UBE2F: variants seen among roughly 807,000 people sequenced by gnomAD.
The protein encoded by UBE2F is NEDD8-conjugating enzyme UBE2F.
A neutral mutation model predicts 29.6 loss-of-function variants in UBE2F; 5 were observed. The ratio of observed to expected loss-of-function variants is 0.17; its 90% CI spans 0.09 to 0.36. The LOEUF (loss-of-function observed/expected upper bound fraction) is 0.36. Among genes scored for constraint, UBE2F ranks in the 10% least tolerant of loss-of-function variants. UBE2F has a pLI of 1.00. For missense variants in UBE2F, 141 were observed against 228.5 expected, an observed-to-expected ratio of 0.62 and a Z score of 2.47; for synonymous variants, 66 against 81.8, an observed-to-expected ratio of 0.81 and a Z score of 1.04.
At chr2:237,991,209 G>A (rs1296561976) in intron 3 of UBE2F, among the ~76,000 whole-genome samples, 2 of 152,026 alleles carry the variant, frequency 1.3e-5, no homozygotes, top group African/African-American at 2.4e-5. Flanking sequence ...ATCGAAGAGG[G>A]GGAAATTATA....
intron 5 of UBE2F, among the ~76,000 whole-genome samples, chr2:238,023,798 A>T (rs2106394333): frequency 6.6e-6 from 1 of 152,220 alleles, no homozygotes; most frequent in Middle Eastern, 3.4e-3. Flanking sequence ...CCCTTACTGC[A>T]GGTTGTGGTG....
At chr2:238,016,237 G>A (rs1481984586) in intron 4 of UBE2F, among the ~76,000 whole-genome samples, 1 of 152,164 alleles carries the variant, frequency 6.6e-6, no homozygotes, top group Non-Finnish European at 1.5e-5. Context: ...AGATGTGTTC[G>A]GAGGGTTGTA....
intron 3 of UBE2F, among the ~76,000 whole-genome samples, chr2:237,989,226 A>G (rs1019760845): frequency 3.9e-5 from 6 of 152,288 alleles, no homozygotes; most frequent in African/African-American, 1.4e-4. Context: ...ATGTGGAGAT[A>G]TCTCTGACAT....
intron 8 of UBE2F, 52 bp from the exon 9 acceptor site, chr2:238,035,826 C>A: frequency 6.8e-7 from 1 of 1,466,898 alleles, no homozygotes; most frequent in Non-Finnish European, 9.5e-7. Context: ...AAGACTTTAA[C>A]AGCAGAAAAG....
intron 4 of UBE2F, among the ~76,000 whole-genome samples, chr2:238,005,538 G>A (rs2326003): frequency 0.86 from 130,424 of 151,922 alleles, 56,132 homozygotes; most frequent in East Asian, 0.97. Context: ...TAGGTTTTAT[G>A]GTTAGGTCTG....
At chr2:237,986,141 T>C in intron 2 of UBE2F, 1 of 329,042 alleles carries the variant, frequency 3.0e-6, no homozygotes, top group East Asian at 9.9e-5. Context: ...CCTTTTCTTT[T>C]CTTTTTTTTT....
At position 237,992,578 on chromosome 2, in the gene UBE2F, CT is replaced by C. The variant is rs1304823354; in HGVS notation, c.149-2164del. On this transcript the variant is annotated intron_variant, in intron 3 of 9. Coordinates refer to ENST00000272930, the MANE Select transcript of UBE2F (RefSeq NM_080678.3). ...ACTATCAGTCCTGTGTTATTTGCTG[CT>C]TGTATATACAGGTGTCCCATGTCTT... Among the ~76,000 whole-genome samples the C allele has an allele frequency of 2.6e-5, 4 of 152,306 alleles. No individual in the cohort carries two copies. In the East Asian group the frequency reaches 7.7e-4, roughly 29 times the overall value.
intron 3 of UBE2F, 109 bp from the exon 4 acceptor site, chr2:237,994,635 C>A: frequency 2.5e-6 from 2 of 802,752 alleles, no homozygotes; most frequent in Non-Finnish European, 2.1e-6. Flanking sequence ...TTCCATAAAC[C>A]ATACGAATCC....
At chr2:238,026,102 T>G (rs148764854) in intron 6 of UBE2F, among the ~76,000 whole-genome samples, 2,470 of 152,334 alleles carry the variant, frequency 0.016, 30 homozygotes, top group Non-Finnish European at 0.024. Context: ...CAAGGTTGAT[T>G]GCAGGGGCTT....
chr2:237,995,764 A>G (rs2063678544), intron 4 of UBE2F, among the ~76,000 whole-genome samples: 1 of 152,140 alleles, frequency 6.6e-6, no homozygotes, highest in Non-Finnish European at 1.5e-5. Flanking sequence ...AAATATCAAA[A>G]TATGCTTGAA....
chr2:237,992,701 A>G (rs1041370712), intron 3 of UBE2F, among the ~76,000 whole-genome samples: 2 of 152,180 alleles, frequency 1.3e-5, no homozygotes, highest in Non-Finnish European at 2.9e-5. Context: ...GCTTCTGTTG[A>G]TAACCTGTAT....
intron 8 of UBE2F, chr2:238,032,469 G>T: frequency 1.9e-6 from 1 of 513,436 alleles, no homozygotes; most frequent in Non-Finnish European, 3.5e-6. Context: ...AGAAAAATTA[G>T]TTGGGCATAG....
intron 8 of UBE2F, among the ~76,000 whole-genome samples, chr2:238,033,077 G>GC (rs2064623056): frequency 6.6e-6 from 1 of 152,208 alleles, no homozygotes; most frequent in African/African-American, 2.4e-5. Context: ...ACACTAGCCA[G>GC]CCCAGGGAGT....
rs1338886489 is a variant in UBE2F, at chr2:237,987,297, G to A, written c.119-666G>A. On this transcript the variant is annotated intron_variant, in intron 2 of 9. Coordinates refer to ENST00000272930, the MANE Select transcript of UBE2F (RefSeq NM_080678.3). ...CAGTCTTTAGGGCTTTCTGCATATA[G>A]GATCTTGTCACCTGAAACTGGGATA... is the stretch of plus-strand genomic sequence containing the variant. Among the ~76,000 whole-genome samples the A allele has an allele frequency of 3.3e-5, 5 of 152,230 alleles. No individual in the cohort carries two copies. In the East Asian group the frequency reaches 9.6e-4, roughly 29 times the overall value.
At chr2:238,003,612 A>G (rs1188749644) in intron 4 of UBE2F, 1 of 225,050 alleles carries the variant, frequency 4.4e-6, no homozygotes, top group Non-Finnish European at 9.6e-6. Flanking sequence ...AAATGTATAT[A>G]GTGCGTATAA....
chr2:237,970,327 G>A (rs757385941), intron 1 of UBE2F, among the ~76,000 whole-genome samples: 1 of 152,222 alleles, frequency 6.6e-6, no homozygotes, highest in Non-Finnish European at 1.5e-5. Context: ...CTGAGCTCAA[G>A]TCACGCCACT....
intron 5 of UBE2F, among the ~76,000 whole-genome samples, chr2:238,022,076 T>C (rs773895453): frequency 6.6e-6 from 1 of 152,230 alleles, no homozygotes; most frequent in Non-Finnish European, 1.5e-5. Flanking sequence ...ATTACCAAGG[T>C]AGAATATTTG....
intron 4 of UBE2F, among the ~76,000 whole-genome samples, chr2:238,006,184 G>A (rs1050550525): frequency 3.3e-5 from 5 of 152,136 alleles, no homozygotes; most frequent in Admixed American, 2.0e-4. Flanking sequence ...AAGTGGAGCC[G>A]GCATATCACA....
intron 4 of UBE2F, among the ~76,000 whole-genome samples, chr2:238,003,742 T>C (rs575104358): frequency 1.6e-4 from 25 of 152,348 alleles, no homozygotes; most frequent in African/African-American, 5.8e-4. Context: ...AGGCTTTTTA[T>C]CTTTTTTAAG....
Sources: gnomAD v4.1 joint callset for allele counts (sites outside exome capture counted in the v4.1 genomes callset) on GRCh38, gnomAD v4.1.1 for gene constraint, MANE v1.5 for transcripts, NCBI Gene and HGNC (gene_info 2026-07-23, HGNC 2026-07-21) for gene names.